The following CDC42BPB variants were observed in gnomAD, a reference collection of about 807,000 sequenced individuals.
CDC42BPB encodes the protein CDC42 binding protein kinase beta, also known as serine/threonine-protein kinase MRCK beta.
CDC42BPB carries 37 observed loss-of-function variants against 214.9 expected under a neutral mutation model. That is an observed-to-expected ratio of 0.17 (90% CI 0.13 to 0.23). The LOEUF (loss-of-function observed/expected upper bound fraction) is 0.23, where lower values mean the gene tolerates loss of function less well. CDC42BPB is among the 10% of genes least tolerant of loss of function. The probability of loss-of-function intolerance (pLI) is 1.00; values close to 1 mark genes in which losing one functional copy is unlikely to be tolerated. For synonymous variants in CDC42BPB, 931 were observed against 884.0 expected, an observed-to-expected ratio of 1.05 and a Z score of -0.94; for missense variants, 1,694 against 2,227.0, an observed-to-expected ratio of 0.76 and a Z score of 4.82.
chr14:103,009,588 CAA>C (rs1305405546), intron 2 of CDC42BPB, among the ~76,000 whole-genome samples: 1 of 151,952 alleles, frequency 6.6e-6, no homozygotes, highest in Non-Finnish European at 1.5e-5. Context: ...AAGTTTTTGG[CAA>C]AAAAGAGTAC....
intron 1 of CDC42BPB, among the ~76,000 whole-genome samples, chr14:103,043,923 T>C (rs1322410763): frequency 1.3e-5 from 2 of 152,226 alleles, no homozygotes; most frequent in Non-Finnish European, 2.9e-5. Flanking sequence ...TCCAGGCTTA[T>C]CATTTTGGTT....
rs936396240 is a variant in CDC42BPB, at chr14:103,001,403, G to A, written c.448-1690C>T. 6.6e-6 allele frequency among the ~76,000 whole-genome samples: 1 copy of A among 152,210 alleles called. No individual in the cohort carries two copies. The highest frequency in any genetic ancestry group is 1.5e-5 in the Non-Finnish European group (1 of 68,036). On this transcript the variant is annotated intron_variant, in intron 4 of 36. Coordinates refer to ENST00000361246, the MANE Select transcript of CDC42BPB (RefSeq NM_006035.4). This position sits in a 1 kb window ranked among gnomAD's most constrained non-coding sequence, Gnocchi z 5.8. ...GGTGAGCGCCAGCTGACCGCAGGCC[G>A]CCTGGTGAGGTGCCCAGGCCAGAGG...
At chr14:103,042,719 T>C (rs1888074356) in intron 1 of CDC42BPB, among the ~76,000 whole-genome samples, 1 of 152,116 alleles carries the variant, frequency 6.6e-6, no homozygotes, top group Admixed American at 6.6e-5. Flanking sequence ...ACATCCGCTA[T>C]TAGGGAAAAG....
At chr14:102,971,104 G>A (rs1893452993) in intron 13 of CDC42BPB, among the ~76,000 whole-genome samples, 1 of 152,136 alleles carries the variant, frequency 6.6e-6, no homozygotes, top group Admixed American at 6.5e-5. Flanking sequence ...GCTATCTGTG[G>A]GGGCCAGGAT....
intron 18 of CDC42BPB, among the ~76,000 whole-genome samples, chr14:102,966,071 A>G (rs373471274): frequency 4.5e-4 from 69 of 152,350 alleles, no homozygotes; most frequent in African/African-American, 1.6e-3. Context: ...AGTGCTCAGT[A>G]ATTATTTGCT....
At chr14:103,029,988 C>T (rs928338576) in intron 1 of CDC42BPB, among the ~76,000 whole-genome samples, 1 of 152,192 alleles carries the variant, frequency 6.6e-6, no homozygotes, top group Non-Finnish European at 1.5e-5. Context: ...CCTCCCAGCA[C>T]CTGAGGGGCT....
intron 1 of CDC42BPB, among the ~76,000 whole-genome samples, chr14:103,039,081 A>G (rs1233592360): frequency 1.3e-5 from 2 of 151,964 alleles, no homozygotes; most frequent in African/African-American, 4.8e-5. Context: ...ACTCTTGAAG[A>G]AAGAGAAAAT....
chr14:102,956,775 G>A (rs1054412748), intron 21 of CDC42BPB, among the ~76,000 whole-genome samples: 2 of 152,176 alleles, frequency 1.3e-5, no homozygotes, highest in Admixed American at 6.5e-5. Flanking sequence ...GTTGCAGTGA[G>A]CTATGATGGT....
At chr14:102,933,914 T>C in intron 36 of CDC42BPB, 71 bp from the exon 37 acceptor site, 2 of 1,453,636 alleles carry the variant, frequency 1.4e-6, no homozygotes, top group Non-Finnish European at 1.8e-6. Flanking sequence ...CCCAGCTGGA[T>C]GCAAATGTTT....
intron 1 of CDC42BPB, among the ~76,000 whole-genome samples, chr14:103,034,619 G>C (rs1477754589): frequency 6.6e-6 from 1 of 152,078 alleles, no homozygotes; most frequent in East Asian, 1.9e-4. Flanking sequence ...GGGAGTTCGA[G>C]ACCAACCTGG....
intron 30 of CDC42BPB, chr14:102,941,356 C>T (rs1349829339): frequency 6.1e-6 from 6 of 985,358 alleles, no homozygotes. Context: ...TGCTCTGTTT[C>T]TATCACAGAC....
intron 11 of CDC42BPB, among the ~76,000 whole-genome samples, chr14:102,974,696 G>A (rs934242530): frequency 5.3e-5 from 8 of 152,338 alleles, no homozygotes; most frequent in East Asian, 1.9e-4. Flanking sequence ...AGCGGCTCAC[G>A]CCTGTAATCC....
chr14:102,950,423 C>T, intron 25 of CDC42BPB, 43 bp downstream of exon 25: 1 of 1,608,154 alleles, frequency 6.2e-7, no homozygotes, highest in Non-Finnish European at 8.5e-7. Context: ...GTCACTGCAC[C>T]TCACAGGCAC....
chr14:102,942,778 C>T lies in CDC42BPB; in HGVS notation c.4408+1113G>A, dbSNP rs533648648. On this transcript the variant is annotated intron_variant, in intron 30 of 36. Transcript: ENST00000361246. Reference sequence around the variant, plus strand: ...AGAGTGCAGTGGCGCGATCTTGGATCACTACAACCTCTGCGTCCCGGGTTC... The same window carrying T: ...AGAGTGCAGTGGCGCGATCTTGGATTACTACAACCTCTGCGTCCCGGGTTC... 3.9e-5 allele frequency among the ~76,000 whole-genome samples: 6 copies of T among 151,978 alleles called. No homozygotes were observed. In the South Asian group the frequency reaches 1.2e-3, roughly 32 times the overall value.
At chr14:102,933,903 G>A in intron 36 of CDC42BPB, 60 bp from the exon 37 acceptor site, 1 of 1,460,070 alleles carries the variant, frequency 6.8e-7, no homozygotes, top group Non-Finnish European at 9.0e-7. Flanking sequence ...AGGCACGCGT[G>A]CCCAGCTGGA....
chr14:102,967,945 C>T (rs1053010909), intron 16 of CDC42BPB, among the ~76,000 whole-genome samples: 6 of 151,922 alleles, frequency 3.9e-5, no homozygotes, highest in Non-Finnish European at 8.8e-5. Context: ...AATACAAAAA[C>T]TTAGCCAGGC....
At chr14:103,037,664 G>A (rs1459119317) in intron 1 of CDC42BPB, among the ~76,000 whole-genome samples, 1 of 152,160 alleles carries the variant, frequency 6.6e-6, no homozygotes, top group African/African-American at 2.4e-5. Context: ...TCCAAGGACG[G>A]GCCCAAAGCT....
At chr14:103,026,396 A>G (rs947404347) in intron 1 of CDC42BPB, among the ~76,000 whole-genome samples, 2 of 152,130 alleles carry the variant, frequency 1.3e-5, no homozygotes, top group Non-Finnish European at 2.9e-5. Context: ...TCTCAAAAAC[A>G]AAACAAAACA....
At chr14:103,021,152 G>C (rs921575244) in intron 1 of CDC42BPB, among the ~76,000 whole-genome samples, 1 of 152,174 alleles carries the variant, frequency 6.6e-6, no homozygotes, top group African/African-American at 2.4e-5. Flanking sequence ...GGATTAAAAA[G>C]GGAGCCCTTT....
Sources: gnomAD v4.1 joint callset for allele counts (sites outside exome capture counted in the v4.1 genomes callset) on GRCh38, gnomAD v4.1.1 for gene constraint, Gnocchi (gnomAD v3.1) non-coding constraint, MANE v1.5 for transcripts, NCBI Gene and HGNC (gene_info 2026-07-23, HGNC 2026-07-21) for gene names.